The following EPHB1 variants were observed in gnomAD, a reference collection of about 807,000 sequenced individuals.
EPHB1 encodes ephrin type-B receptor 1.
EPHB1 carries 30 observed loss-of-function variants against 94.4 expected under a neutral mutation model. The observed-to-expected ratio is 0.32, with a 90% CI of 0.24 to 0.43. EPHB1 has a LOEUF of 0.43. Among genes scored for constraint, EPHB1 ranks in the 20% least tolerant of loss-of-function variants. EPHB1 has a pLI of 1.00. For missense variants in EPHB1, 1,055 were observed against 1,308.3 expected (o/e 0.81, Z 2.99); for synonymous variants, 522 against 489.1 (o/e 1.07, Z -0.89).
chr3:134,802,468 T>C (rs574136224), intron 1 of EPHB1, among the ~76,000 whole-genome samples: 1 of 152,092 alleles, frequency 6.6e-6, no homozygotes, highest in South Asian at 2.1e-4. Flanking sequence ...AGGGGTTCTG[T>C]AGGAAGCAGC....
chr3:134,948,402 T>G (rs1345972810), intron 2 of EPHB1, among the ~76,000 whole-genome samples: 3 of 151,210 alleles, frequency 2.0e-5, no homozygotes, highest in Non-Finnish European at 4.4e-5. Context: ...ATAACAGCCA[T>G]GGAAAGGGAG....
intron 3 of EPHB1, among the ~76,000 whole-genome samples, chr3:135,073,840 G>A (rs955679207): frequency 1.3e-5 from 2 of 151,994 alleles, no homozygotes; most frequent in African/African-American, 2.4e-5. Flanking sequence ...TCCATAGTCT[G>A]AGTTTGCTCG....
chr3:135,106,185 T>C (rs990946467), intron 3 of EPHB1, among the ~76,000 whole-genome samples: 1 of 152,222 alleles, frequency 6.6e-6, no homozygotes, highest in African/African-American at 2.4e-5. Context: ...ATTAAATCTC[T>C]TGACACACCT....
At chr3:134,926,228 G>A (rs1256799717) in intron 2 of EPHB1, among the ~76,000 whole-genome samples, 1 of 152,234 alleles carries the variant, frequency 6.6e-6, no homozygotes, top group Non-Finnish European at 1.5e-5. Flanking sequence ...AAGACATGAG[G>A]GAGGAGGTAG....
chr3:135,035,088 C>T (rs1936605017), intron 3 of EPHB1, among the ~76,000 whole-genome samples: 1 of 152,328 alleles, frequency 6.6e-6, no homozygotes, highest in Non-Finnish European at 1.5e-5. Context: ...CAGCTTCCTC[C>T]GTTGCTACAT....
chr3:135,180,902 C>T (rs995378531), intron 10 of EPHB1, among the ~76,000 whole-genome samples: 4 of 152,196 alleles, frequency 2.6e-5, no homozygotes, highest in African/African-American at 9.7e-5. Flanking sequence ...TCCAAGCTCT[C>T]TTCACTAATA....
chr3:135,143,354 C>T (rs35226089), intron 5 of EPHB1, among the ~76,000 whole-genome samples: 1 of 152,226 alleles, frequency 6.6e-6, no homozygotes, highest in South Asian at 2.1e-4. Context: ...AGACTCAGAC[C>T]TCCAGGCCTG....
intron 9 of EPHB1, among the ~76,000 whole-genome samples, chr3:135,170,069 T>G (rs1049203835): frequency 6.6e-6 from 1 of 152,184 alleles, no homozygotes; most frequent in Non-Finnish European, 1.5e-5. Flanking sequence ...ATTGGAGCTC[T>G]GAGATCTTCC....
chr3:135,194,202 A>G (rs979228509), intron 11 of EPHB1, among the ~76,000 whole-genome samples: 9 of 152,328 alleles, frequency 5.9e-5, no homozygotes, highest in Non-Finnish European at 1.2e-4. Flanking sequence ...ACATCAACTC[A>G]ATGTCTTCTT....
chr3:134,801,248 C>T (rs1334842322), intron 1 of EPHB1, among the ~76,000 whole-genome samples: 3 of 152,190 alleles, frequency 2.0e-5, no homozygotes, highest in African/African-American at 7.2e-5. Context: ...CTATTGCAGC[C>T]CTATACACTC....
intron 3 of EPHB1, among the ~76,000 whole-genome samples, chr3:135,039,521 G>A (rs973751261): frequency 2.6e-5 from 4 of 152,232 alleles, no homozygotes; most frequent in Non-Finnish European, 4.4e-5. Flanking sequence ...AGGAGCCCAC[G>A]GAGTGGGTGG....
chr3:135,133,009 C>T lies in EPHB1; in HGVS notation c.1257C>T (p.Pro419=), dbSNP rs374717221. Residue 419 remains proline, a synonymous_variant, in exon 5 of 16, where the codon CCC becomes CCT. Coordinates refer to ENST00000398015, the MANE Select transcript of EPHB1 (RefSeq NM_004441.5). ...INGVSSKSPF[P]PQHVSVNITT... is the part of the protein sequence containing the mutation. ...GAGTCTCCAGCAAGAGTCCCTTCCCCCCACAGCACGTCTCTGTCAACATCA... is the reference window on the plus strand; with the variant it reads ...GAGTCTCCAGCAAGAGTCCCTTCCCTCCACAGCACGTCTCTGTCAACATCA... The T allele has an allele frequency of 1.4e-4, 229 of 1,605,068 alleles. 1 individual carries two copies. Among genetic ancestry groups the T allele is most frequent in the Non-Finnish European group, 1.4e-4 (169 of 1,172,938 alleles).
At position 135,029,135 on chromosome 3, in the gene EPHB1, G is replaced by C. The variant is rs1936313055; in HGVS notation, c.805+77083G>C. On this transcript the variant is annotated intron_variant, in intron 3 of 15. Coordinates refer to ENST00000398015, the MANE Select transcript of EPHB1 (RefSeq NM_004441.5). ...TATGTGTGTCTCTGCACGTGAGATG[G>C]GTTTCTTGAATACAGCACACTGATG... 7.0e-5 allele frequency among the ~76,000 whole-genome samples: 4 copies of C among 57,300 alleles called. 1 individual carries two copies. The Admixed American group carries it at 9.9e-4, about 14-fold the overall frequency. 37.6% of individuals were successfully genotyped at this position (57,300 alleles called of 152,430 possible). A position where few individuals can be genotyped will look rare whatever the true frequency, so the allele number is the denominator to read the frequency against.
intron 3 of EPHB1, among the ~76,000 whole-genome samples, chr3:135,078,660 A>G (rs1938035354): frequency 6.6e-6 from 1 of 152,264 alleles, no homozygotes; most frequent in African/African-American, 2.4e-5. Context: ...AAGAGGGAGT[A>G]TGGGAGCTGG....
At chr3:135,255,133 A>G (rs551177602) in intron 15 of EPHB1, among the ~76,000 whole-genome samples, 1 of 152,052 alleles carries the variant, frequency 6.6e-6, no homozygotes, top group East Asian at 1.9e-4. Flanking sequence ...CTAGCGGTCT[A>G]TCAATTTTGT....
At position 135,031,970 on chromosome 3, in the gene EPHB1, T is replaced by A. The variant is rs75078364; in HGVS notation, c.806-74478T>A. On this transcript the variant is annotated intron_variant, in intron 3 of 15. Transcript: ENST00000398015. ...GTTGGGAAAGCCAGTGACATTTCAA[T>A]TTTCCTTATTTTGTTTTTGGGTTTG... 3.6e-3 allele frequency among the ~76,000 whole-genome samples: 545 copies of A among 152,198 alleles called. 7 individuals are homozygous for A. Among genetic ancestry groups the A allele is most frequent in the African/African-American group, 0.012 (494 of 41,530 alleles).
intron 3 of EPHB1, 30 bp from the exon 4 acceptor site, chr3:135,106,418 T>C (rs763834540): frequency 6.2e-7 from 1 of 1,611,112 alleles, no homozygotes; most frequent in Admixed American, 1.7e-5. Flanking sequence ...ACACTTCCAT[T>C]AATTATCACA....
chr3:134,952,965 A>T (rs1254844561), intron 3 of EPHB1, among the ~76,000 whole-genome samples: 1 of 152,046 alleles, frequency 6.6e-6, no homozygotes, highest in Non-Finnish European at 1.5e-5. Context: ...CCCTTATTAA[A>T]TTTTGCTTGG....
At chr3:134,928,623 T>G (rs2038842689) in intron 2 of EPHB1, among the ~76,000 whole-genome samples, 1 of 152,118 alleles carries the variant, frequency 6.6e-6, no homozygotes, top group Admixed American at 6.5e-5. Context: ...CTGTCAAGCT[T>G]GAAGCGTCTC....
Sources: allele counts gnomAD v4.1 joint callset (sites outside exome capture counted in the v4.1 genomes callset), GRCh38; gene constraint gnomAD v4.1.1; transcripts MANE v1.5; gene names NCBI Gene and HGNC (gene_info 2026-07-23, HGNC 2026-07-21).